Variants in EBF1 observed in about 807,000 individuals in gnomAD.
EBF1 encodes transcription factor COE1.
A neutral mutation model predicts 68.4 loss-of-function variants in EBF1; 10 were observed. The ratio of observed to expected loss-of-function variants is 0.15; its 90% confidence interval spans 0.09 to 0.25. The LOEUF is 0.25. Ranked by LOEUF, EBF1 falls within the 10% of genes least tolerant of loss-of-function variation. The pLI is 1.00. For synonymous variants in EBF1, 298 were observed against 299.8 expected (o/e 0.99, Z 0.06); for missense variants, 509 against 794.4 (o/e 0.64, Z 4.32).
In EBF1 at chr5:158,783,792, G is replaced by A. The variant is rs527769464; in HGVS notation, c.910-6253C>T. The stretch of plus-strand genomic sequence containing the variant: ...AATGGGGCCTCTCCTTGACAGAAGA[G>A]CTGAAATCAGGAGAGAGAATGCATG... On this transcript the variant is annotated intron_variant, in intron 9 of 15. Coordinates refer to ENST00000313708, the MANE Select transcript of EBF1 (RefSeq NM_024007.5). 2.7e-4 allele frequency among the ~76,000 whole-genome samples: 41 copies of A among 152,326 alleles called. No homozygotes were observed. In the South Asian group the frequency reaches 8.3e-3, roughly 31 times the overall value.
intron 4 of EBF1, among the ~76,000 whole-genome samples, chr5:159,085,667 A>G (rs1378932699): frequency 2.0e-5 from 3 of 152,228 alleles, no homozygotes; most frequent in Non-Finnish European, 4.4e-5. Context: ...CACGGCTTCA[A>G]ATTGTTAACA....
chr5:158,956,172 C>T (rs1278093927), intron 6 of EBF1, among the ~76,000 whole-genome samples: 1 of 151,750 alleles, frequency 6.6e-6, no homozygotes, highest in Non-Finnish European at 1.5e-5. Flanking sequence ...ACACTCCAGT[C>T]CACAGTCTTG....
chr5:158,881,443 T>C, intron 6 of EBF1, among the ~76,000 whole-genome samples: 1 of 152,188 alleles, frequency 6.6e-6, no homozygotes, highest in East Asian at 1.9e-4. Flanking sequence ...TGCCTGCCCC[T>C]GGCTACAGAT....
chr5:158,976,376 G>A (rs1390728093), intron 6 of EBF1, among the ~76,000 whole-genome samples: 2 of 151,022 alleles, frequency 1.3e-5, no homozygotes, highest in African/African-American at 4.9e-5. Flanking sequence ...TTTCACACCA[G>A]TTATGTGTGC....
In EBF1 at chr5:158,850,876, G is replaced by A. The variant is rs545233532; in HGVS notation, c.555-10766C>T. ...TTAAAAATTAGCCAGGCATGGTGGC[G>A]GGCACCTGAAATCCCAGCTATTCTG... On this transcript the variant is annotated intron_variant, in intron 6 of 15. Coordinates refer to ENST00000313708, the MANE Select transcript of EBF1 (RefSeq NM_024007.5). 1.4e-4 allele frequency among the ~76,000 whole-genome samples: 21 copies of A among 151,834 alleles called. No individual in the cohort carries two copies. The East Asian group carries it at 3.5e-3, about 25-fold the overall frequency.
intron 6 of EBF1, among the ~76,000 whole-genome samples, chr5:158,909,081 A>T (rs1238442541): frequency 3.3e-5 from 5 of 152,032 alleles, no homozygotes; most frequent in Non-Finnish European, 7.4e-5. Flanking sequence ...AAACATTAAT[A>T]TAACGGCACA....
At chr5:158,825,283 A>T (rs1785817799) in intron 7 of EBF1, among the ~76,000 whole-genome samples, 1 of 152,230 alleles carries the variant, frequency 6.6e-6, no homozygotes, top group African/African-American at 2.4e-5. Flanking sequence ...ACAGAAATTC[A>T]CTTTTCTTTT....
At chr5:158,729,783 A>G (rs1763706032) in intron 11 of EBF1, among the ~76,000 whole-genome samples, 2 of 152,180 alleles carry the variant, frequency 1.3e-5, no homozygotes, top group Admixed American at 1.3e-4. Context: ...ATCTCTGAAA[A>G]CTGAAGGTGT....
chr5:159,045,342 A>G (rs894227061), intron 6 of EBF1, among the ~76,000 whole-genome samples: 12 of 152,132 alleles, frequency 7.9e-5, no homozygotes, highest in Non-Finnish European at 1.5e-4. Context: ...GAGAAGTTAT[A>G]CACAGTTCCT....
At chr5:158,912,209 C>T (rs1806138431) in intron 6 of EBF1, among the ~76,000 whole-genome samples, 2 of 152,186 alleles carry the variant, frequency 1.3e-5, no homozygotes, top group African/African-American at 4.8e-5. Context: ...CAAAGATTCC[C>T]ATTTCTGCAC....
intron 6 of EBF1, among the ~76,000 whole-genome samples, chr5:159,047,505 T>C (rs1345648654): frequency 2.0e-5 from 3 of 151,974 alleles, no homozygotes; most frequent in Non-Finnish European, 4.4e-5. Flanking sequence ...GAGAGATAAC[T>C]AGTATGGCTG....
chr5:158,947,032 T>A (rs2127489974), intron 6 of EBF1, among the ~76,000 whole-genome samples: 1 of 152,186 alleles, frequency 6.6e-6, no homozygotes, highest in East Asian at 1.9e-4. Context: ...CAAATGCCCC[T>A]CCCCCCACCA....
intron 8 of EBF1, 54 bp downstream of exon 8, chr5:158,823,122 A>T (rs558228863): frequency 1.2e-6 from 2 of 1,612,462 alleles, no homozygotes; most frequent in South Asian, 2.2e-5. Context: ...GAAAGAAACC[A>T]AATATATTCA....
intron 6 of EBF1, among the ~76,000 whole-genome samples, chr5:158,969,596 T>C (rs1369797253): frequency 1.3e-4 from 16 of 123,920 alleles, no homozygotes; most frequent in Non-Finnish European, 2.3e-4. Flanking sequence ...AAACCCCATC[T>C]CTACAAAAAA....
At chr5:158,784,065 T>C (rs1344956967) in intron 9 of EBF1, among the ~76,000 whole-genome samples, 3 of 151,636 alleles carry the variant, frequency 2.0e-5, no homozygotes, top group Non-Finnish European at 4.4e-5. Flanking sequence ...AAATTGATGA[T>C]GGTAATGACC....
intron 6 of EBF1, among the ~76,000 whole-genome samples, chr5:158,862,673 G>A (rs755445513): frequency 1.3e-5 from 2 of 152,128 alleles, no homozygotes; most frequent in Non-Finnish European, 2.9e-5. Flanking sequence ...AGAGTAGGGT[G>A]AGAGAAAGCT....
chr5:159,039,285 C>T (rs1332522285), intron 6 of EBF1, among the ~76,000 whole-genome samples: 2 of 152,200 alleles, frequency 1.3e-5, no homozygotes, highest in African/African-American at 4.8e-5. Flanking sequence ...TATTATTCCC[C>T]TCTCTTCTAC....
chr5:158,706,706 A>G (rs1288643540), intron 15 of EBF1, among the ~76,000 whole-genome samples: 1 of 152,200 alleles, frequency 6.6e-6, no homozygotes, highest in East Asian at 1.9e-4. Flanking sequence ...ACACTGTGGG[A>G]AACTTTGTAT....
At chr5:158,837,125 T>C (rs1017637799) in intron 7 of EBF1, among the ~76,000 whole-genome samples, 1 of 152,160 alleles carries the variant, frequency 6.6e-6, no homozygotes, top group African/African-American at 2.4e-5. Context: ...CCATTTTGCC[T>C]CTCCTCTCTC....
Sources: allele counts gnomAD v4.1 joint callset (sites outside exome capture counted in the v4.1 genomes callset), GRCh38; gene constraint gnomAD v4.1.1; transcripts MANE v1.5; gene names NCBI Gene and HGNC (gene_info 2026-07-23, HGNC 2026-07-21).